RNF39: variants seen among roughly 807,000 people sequenced by gnomAD.
RNF39 encodes ring finger protein 39, also known as LTP (long-term potentiation) induced RING finger protein.
A neutral mutation model predicts 29.2 loss-of-function variants in RNF39; 25 were observed. That is an observed-to-expected ratio of 0.86 (90% CI 0.62 to 1.20). The LOEUF is 1.20. Ranked by LOEUF, RNF39 falls within the 50% of genes most tolerant of loss-of-function variation. The probability of loss-of-function intolerance (pLI) is 0.00; values close to 1 mark genes in which losing one functional copy is unlikely to be tolerated. For synonymous variants in RNF39, 219 were observed against 229.0 expected, an observed-to-expected ratio of 0.96 and a Z score of 0.40; for missense variants, 519 against 515.0, an observed-to-expected ratio of 1.01 and a Z score of -0.08.
At chr6:30,073,660 C>T (rs1295662935) in intron 1 of RNF39, among the ~76,000 whole-genome samples, 182 bp from the exon 2 acceptor site, 1 of 152,082 alleles carries the variant, frequency 6.6e-6, no homozygotes, top group Non-Finnish European at 1.5e-5. Context: ...CCTCCTTCAC[C>T]TTTCATGATC....
Position 30,071,464 on chromosome 6 carries a change from C to A in RNF39, c.706G>T (p.Ala236Ser). Residue 236 changes from alanine to serine, a missense_variant, in exon 4 of 4, where the codon GCG becomes TCG. Physicochemically the swap from Ala to Ser is moderately conservative, Grantham distance 99 (BLOSUM62 1). Coordinates refer to ENST00000244360, the MANE Select transcript of RNF39 (RefSeq NM_025236.4). The surrounding 1 kb of genome is among the most constrained non-coding windows in gnomAD (Gnocchi z 5.0). ...GCATAGTGGCTCTCCTCGTCGTCCG[C>A]ATCCTCCCCAGAAGAGTCTCTGCAG... ...ASCRDSSGED[A>S]DDEESHYAVG... 1 of 1,561,076 alleles carries A rather than the reference C, an allele frequency of 6.4e-7. No homozygotes were observed. Among genetic ancestry groups the A allele is most frequent in the Non-Finnish European group, 8.6e-7 (1 of 1,161,362 alleles).
At position 30,070,769 on chromosome 6, in the gene RNF39, A is replaced by G. The variant is rs1337629430; in HGVS notation, c.*342T>C. The G allele has an allele frequency of 1.8e-6, 1 of 546,598 alleles. No individual in the cohort carries two copies. Among genetic ancestry groups the G allele is most frequent in the South Asian group, 1.5e-5 (1 of 65,346 alleles). The allele number at this position is 546,598 out of a possible 1,614,324, so 33.9% of individuals were successfully genotyped here. On this transcript the variant is annotated 3_prime_UTR_variant, in exon 4 of 4. Coordinates refer to ENST00000244360, the MANE Select transcript of RNF39 (RefSeq NM_025236.4). ...CAAGTATTTGACCAGCAGAGCCTCT[A>G]TGTAGGAATCATGGTCACTTTACCA...
At position 30,074,470 on chromosome 6, in the gene RNF39, C is replaced by T. The variant is rs986047805; in HGVS notation, c.363+753G>A. On this transcript the variant is annotated intron_variant, in intron 1 of 3. Coordinates refer to ENST00000244360, the MANE Select transcript of RNF39 (RefSeq NM_025236.4). The surrounding 1 kb of genome is among the most constrained non-coding windows in gnomAD (Gnocchi z 4.1). Reference sequence around the variant, plus strand: ...GGTAAGACTGGGATGTGGAGAGGAGCCAGAGGCCCCAGCGGCTGTTCTCCC... The same window carrying T: ...GGTAAGACTGGGATGTGGAGAGGAGTCAGAGGCCCCAGCGGCTGTTCTCCC... 3.3e-5 allele frequency among the ~76,000 whole-genome samples: 5 copies of T among 152,124 alleles called. No individual in the cohort carries two copies. In the East Asian group the frequency reaches 9.7e-4, roughly 29 times the overall value.
Position 30,075,496 on chromosome 6 carries a change from C to A in RNF39, c.90G>T (p.Pro30=). 6.4e-7 allele frequency: 1 copy of A among 1,560,554 alleles called. No homozygotes were observed. The change falls in exon 1 of 4, where the codon CCG becomes CCT. Residue 30 remains proline, a synonymous_variant. Transcript: ENST00000244360. ...AGCTGTGCTCGCACGCCAGAAGCACCGGGTCCTCGAAGGAGCCCCCGCACA... is the reference window on the plus strand; with the variant it reads ...AGCTGTGCTCGCACGCCAGAAGCACAGGGTCCTCGAAGGAGCCCCCGCACA... ...CPLCGGSFED[P]VLLACEHSFC...
At position 30,075,423 on chromosome 6, in the gene RNF39, C is replaced by G; in HGVS notation, c.163G>C (p.Gly55Arg). Residue 55 changes from glycine to arginine, a missense_variant, in exon 1 of 4, where the codon GGC becomes CGC. Coordinates refer to ENST00000244360, the MANE Select transcript of RNF39 (RefSeq NM_025236.4). ...CAGGCGGTGGGGGAAGCCTCGGTGC[C>G]GGTCGCCGGCGGAGTCCCCCAGCGG... ...ARRWGTPPAT[G>R]TEASPTACPC... 2 of 1,553,522 alleles carry G rather than the reference C, an allele frequency of 1.3e-6. No individual in the cohort carries two copies. The highest frequency in any genetic ancestry group is 1.4e-5 in the African/African-American group (1 of 73,722).
rs967277640 is a variant in RNF39, at chr6:30,075,476, T to A, written c.110A>T (p.His37Leu). ...GGCCAGACACGCGCGGCAGAAGCTG[T>A]GCTCGCACGCCAGAAGCACCGGGTC... ...FEDPVLLACE[H>L]SFCRACLARR... Residue 37 changes from histidine to leucine, a missense_variant, in exon 1 of 4, where the codon CAC becomes CTC. His to Leu is a moderately conservative substitution (Grantham distance 99). Coordinates refer to ENST00000244360, the MANE Select transcript of RNF39 (RefSeq NM_025236.4). The A allele has an allele frequency of 5.2e-6, 8 of 1,552,612 alleles. No individual in the cohort carries two copies. The Admixed American group carries it at 5.8e-5, about 11-fold the overall frequency.
In RNF39 at chr6:30,071,790, T is replaced by C; in HGVS notation, c.479-99A>G. 3.4e-6 allele frequency: 3 copies of C among 894,896 alleles called. No individual in the cohort carries two copies. Among genetic ancestry groups the C allele is most frequent in the Non-Finnish European group, 4.4e-6 (3 of 688,822 alleles). 55.4% of individuals were successfully genotyped at this position (894,896 alleles called of 1,614,324 possible). On this transcript the variant is annotated intron_variant, in intron 3 of 3. Coordinates refer to ENST00000244360, the MANE Select transcript of RNF39 (RefSeq NM_025236.4). This position sits in a 1 kb window ranked among gnomAD's most constrained non-coding sequence, Gnocchi z 5.0. ...AGTCAACGAAGATCACGTAAAAGAC[T>C]GAGAGCTAGTGACCACACAACAGCT...
Position 30,071,219 on chromosome 6 carries a change from G to A in RNF39, c.951C>T (p.Asp317=). The change falls in exon 4 of 4, where the codon GAC becomes GAT. Residue 317 remains aspartate (D), a synonymous_variant. Coordinates refer to ENST00000244360, the MANE Select transcript of RNF39 (RefSeq NM_025236.4). The surrounding 1 kb of genome is among the most constrained non-coding windows in gnomAD (Gnocchi z 5.0). Reference sequence around the variant, plus strand: ...CAGGCGCCTGGAAGGCGTAAAGCAGGTCGAGTGAGCGGCCGTCGTAGAAGG... The same window carrying A: ...CAGGCGCCTGGAAGGCGTAAAGCAGATCGAGTGAGCGGCCGTCGTAGAAGG... The part of the protein sequence containing the change: ...RVAFYDGRSL[D]LLYAFQAPGP... 1 of 1,514,246 alleles carries A rather than the reference G, an allele frequency of 6.6e-7. No homozygotes were observed. The highest frequency in any genetic ancestry group is 8.8e-7 in the Non-Finnish European group (1 of 1,134,800). 93.8% of individuals were successfully genotyped at this position (1,514,246 alleles called of 1,614,324 possible).
chr6:30,075,173 G>A, intron 1 of RNF39, 50 bp downstream of exon 1: 1 of 1,502,034 alleles, frequency 6.7e-7, no homozygotes, highest in Non-Finnish European at 8.9e-7. Flanking sequence ...CGGCTTCCCC[G>A]GGAACCTCCC....
In RNF39 at chr6:30,070,773, A is replaced by G. The variant is rs777097143; in HGVS notation, c.*338T>C. 1.8e-6 allele frequency: 1 copy of G among 560,478 alleles called. No homozygotes were observed. Among genetic ancestry groups the G allele is most frequent in the South Asian group, 1.5e-5 (1 of 65,468 alleles). The allele number at this position is 560,478 out of a possible 1,614,324, so 34.7% of individuals were successfully genotyped here. A position where few individuals can be genotyped will look rare whatever the true frequency, so the allele number is the denominator to read the frequency against. ...TATTTGACCAGCAGAGCCTCTATGT[A>G]GGAATCATGGTCACTTTACCAATAC... is the stretch of plus-strand genomic sequence containing the variant. On this transcript the variant is annotated 3_prime_UTR_variant, in exon 4 of 4. Transcript: ENST00000244360.
rs1765960987 is a variant in RNF39, at chr6:30,071,441, A to G, written c.729T>C (p.Tyr243=). 2 of 1,545,624 alleles carry G rather than the reference A, an allele frequency of 1.3e-6. No homozygotes were observed. The highest frequency in any genetic ancestry group is 1.2e-5 in the South Asian group (1 of 81,832). ...GEDADDEESH[Y]AVGAAGESVQ... is the part of the protein sequence containing the mutation. ...CTGATTCCCCGGCCGCGCCCACTGC[A>G]TAGTGGCTCTCCTCGTCGTCCGCAT... The change falls in exon 4 of 4, where the codon TAT becomes TAC. Residue 243 remains tyrosine (Y), a synonymous_variant. Coordinates refer to ENST00000244360, the MANE Select transcript of RNF39 (RefSeq NM_025236.4). This position sits in a 1 kb window ranked among gnomAD's most constrained non-coding sequence, Gnocchi z 5.0.
Position 30,071,587 on chromosome 6 carries a change from C to T in RNF39, c.583G>A (p.Gly195Ser). 4.8e-6 allele frequency: 7 copies of T among 1,470,902 alleles called. No homozygotes were observed. The highest frequency in any genetic ancestry group is 6.3e-6 in the Non-Finnish European group (7 of 1,117,962). 91.1% of individuals were successfully genotyped at this position (1,470,902 alleles called of 1,614,324 possible). Residue 195 changes from glycine to serine, a missense_variant, in exon 4 of 4, where the codon GGC becomes AGC. Coordinates refer to ENST00000244360, the MANE Select transcript of RNF39 (RefSeq NM_025236.4). The surrounding 1 kb of genome is among the most constrained non-coding windows in gnomAD (Gnocchi z 5.0). ...APPGTPAPPDGPKRFDQLPAV... is the reference protein window; with the variant it reads ...APPGTPAPPDSPKRFDQLPAV... ...GGGAGCTGATCGAAGCGCTTGGGGC[C>T]GTCAGGGGGCGCGGGCGTCCCTGGT...
rs911519963 is a variant in RNF39, at chr6:30,074,227, G to A, written c.364-749C>T. 6.6e-6 allele frequency among the ~76,000 whole-genome samples: 1 copy of A among 152,168 alleles called. No individual in the cohort carries two copies. Among genetic ancestry groups the A allele is most frequent in the Non-Finnish European group, 1.5e-5 (1 of 68,040 alleles). ...TGGAGCAGGCCGATATGGTGGAGCG[G>A]GGGAGAGAGAAACAATTTGCATAAT... On this transcript the variant is annotated intron_variant, in intron 1 of 3. Transcript: ENST00000244360. This position sits in a 1 kb window ranked among gnomAD's most constrained non-coding sequence, Gnocchi z 4.1.
In RNF39 at chr6:30,073,210, T is replaced by C. The variant is rs755198768; in HGVS notation, c.425A>G (p.Asp142Gly). 2 of 1,613,026 alleles carry C rather than the reference T, an allele frequency of 1.2e-6. No homozygotes were observed. The highest frequency in any genetic ancestry group is 3.3e-5 in the Admixed American group (2 of 60,012). ...VPTSKSSNSEDDLPEDYPVVK... is the reference protein window; with the variant it reads ...VPTSKSSNSEGDLPEDYPVVK... ...CACTGGATAATCTTCAGGGAGATCA[T>C]CCTCTGAATTAGATGACTTGGATGT... Residue 142 changes from aspartate (D) to glycine (G), a missense_variant, in exon 3 of 4, where the codon GAT (aspartate) becomes GGT (glycine). Physicochemically the swap from Asp to Gly is moderately conservative, Grantham distance 94 (BLOSUM62 -1). Coordinates refer to ENST00000244360, the MANE Select transcript of RNF39 (RefSeq NM_025236.4).
Position 30,073,138 on chromosome 6 carries a change from TC to T in RNF39, c.478+18del. 1 of 1,487,322 alleles carries T rather than the reference TC, an allele frequency of 6.7e-7. No homozygotes were observed. The highest frequency in any genetic ancestry group is 9.4e-7 in the Non-Finnish European group (1 of 1,064,764). The allele number at this position is 1,487,322 out of a possible 1,614,324, so 92.1% of individuals were successfully genotyped here. On this transcript the variant is annotated intron_variant, in intron 3 of 3. Transcript: ENST00000244360. ...CAGACTTTCATTCAATTCCCTTCCCTCCCTTCTTCTTTCCTTACCTGTCAGT... is the reference window on the plus strand; with the variant it reads ...CAGACTTTCATTCAATTCCCTTCCCTCCTTCTTCTTTCCTTACCTGTCAGT...
Position 30,071,601 on chromosome 6 carries a change from G to A in RNF39, c.569C>T (p.Pro190Leu). ...GCGCTTGGGGCCGTCAGGGGGCGCG[G>A]GCGTCCCTGGTGGGGCCAGTTGTAC... is the stretch of plus-strand genomic sequence containing the variant. ...RSVQLAPPGT[P>L]APPDGPKRFD... Residue 190 changes from proline (P) to leucine (L), a missense_variant, in exon 4 of 4, where the codon CCC (proline) becomes CTC (leucine). Pro to Leu is a moderately conservative substitution (Grantham distance 98). Transcript: ENST00000244360. The surrounding 1 kb of genome is among the most constrained non-coding windows in gnomAD (Gnocchi z 5.0). The A allele has an allele frequency of 1.4e-6, 2 of 1,465,750 alleles. No individual in the cohort carries two copies. Among genetic ancestry groups the A allele is most frequent in the Non-Finnish European group, 1.8e-6 (2 of 1,115,536 alleles). 90.8% of individuals were successfully genotyped at this position (1,465,750 alleles called of 1,614,324 possible).
chr6:30,074,711 A>G lies in RNF39; in HGVS notation c.363+512T>C, dbSNP rs1766269349. 6.7e-6 allele frequency among the ~76,000 whole-genome samples: 1 copy of G among 150,146 alleles called. No individual in the cohort carries two copies. Among genetic ancestry groups the G allele is most frequent in the South Asian group, 2.1e-4 (1 of 4,720 alleles). ...GCTTTTTCTCCGCCCCCAACCCACC[A>G]GCCCAGCCTCCTGCTCCCGCTCCTC... On this transcript the variant is annotated intron_variant, in intron 1 of 3. Transcript: ENST00000244360. The surrounding 1 kb of genome is among the most constrained non-coding windows in gnomAD (Gnocchi z 4.1).
In RNF39 at chr6:30,074,427, C is replaced by T. The variant is rs1561985889; in HGVS notation, c.363+796G>A. Among the ~76,000 whole-genome samples, 1 of 152,026 alleles carries T rather than the reference C, an allele frequency of 6.6e-6. No individual in the cohort carries two copies. Among genetic ancestry groups the T allele is most frequent in the Non-Finnish European group, 1.5e-5 (1 of 68,004 alleles). ...CCAAGGAGCCGGGGCCCAGGAGAGG[C>T]GCGGGGGGTAGATGGGTGGTAAGAC... On this transcript the variant is annotated intron_variant, in intron 1 of 3. Coordinates refer to ENST00000244360, the MANE Select transcript of RNF39 (RefSeq NM_025236.4). The surrounding 1 kb of genome is among the most constrained non-coding windows in gnomAD (Gnocchi z 4.1).
Position 30,071,536 on chromosome 6 carries a change from CG to C in RNF39, c.633del (p.Phe211LeufsTer48). The C allele has an allele frequency of 6.6e-7, 1 of 1,524,100 alleles. No individual in the cohort carries two copies. Among genetic ancestry groups the C allele is most frequent in the Non-Finnish European group, 8.8e-7 (1 of 1,140,096 alleles). 94.4% of individuals were successfully genotyped at this position (1,524,100 alleles called of 1,614,324 possible). Reference sequence around the variant, plus strand: ...ACCTCCCAGCAGTGGCGGCCGGCCCCGAAGCCCTGCGCACCCAGCACAGCTG... The same window carrying C: ...ACCTCCCAGCAGTGGCGGCCGGCCCCAAGCCCTGCGCACCCAGCACAGCTG... ...QLPAVLGAQG[F>X]GAGRHCWEVE... On this transcript the variant is annotated frameshift_variant, in exon 4 of 4. Coordinates refer to ENST00000244360, the MANE Select transcript of RNF39 (RefSeq NM_025236.4). LOFTEE classifies it high-confidence loss of function. The surrounding 1 kb of genome is among the most constrained non-coding windows in gnomAD (Gnocchi z 5.0).
Sources: gnomAD v4.1 joint callset for allele counts (sites outside exome capture counted in the v4.1 genomes callset) on GRCh38, gnomAD v4.1.1 for gene constraint, Gnocchi (gnomAD v3.1) non-coding constraint, MANE v1.5 for transcripts, NCBI Gene and HGNC (gene_info 2026-07-23, HGNC 2026-07-21) for gene names.